Variants in USH2A observed in about 807,000 individuals in gnomAD.
USH2A encodes the protein Usher syndrome 2A (autosomal recessive, mild).
Under a neutral mutation model 538.9 loss-of-function variants are expected in USH2A, and 443 were observed. That is an observed-to-expected ratio of 0.82 (90% CI 0.76 to 0.89). The LOEUF is 0.89. Among genes scored for constraint, USH2A ranks in the 40% least tolerant of loss-of-function variants. The pLI is 0.00. For missense variants in USH2A, 6,633 were observed against 6,324.8 expected, an observed-to-expected ratio of 1.05 and a Z score of -1.65; for synonymous variants, 2,413 against 2,273.5, an observed-to-expected ratio of 1.06 and a Z score of -1.75.
chr1:216,255,566 T>C (rs1173867030), intron 11 of USH2A, among the ~76,000 whole-genome samples: 1 of 152,196 alleles, frequency 6.6e-6, no homozygotes, highest in Non-Finnish European at 1.5e-5. Flanking sequence ...ATTTCTAATT[T>C]AATTTAACTG....
chr1:216,273,820 A>T (rs2036619362), intron 11 of USH2A, among the ~76,000 whole-genome samples: 1 of 151,756 alleles, frequency 6.6e-6, no homozygotes, highest in Admixed American at 6.6e-5. Flanking sequence ...CCAGAAAAAA[A>T]AAAAAAAACA....
chr1:216,383,327 T>C (rs373229457), intron 3 of USH2A, among the ~76,000 whole-genome samples: 1 of 152,304 alleles, frequency 6.6e-6, no homozygotes, highest in Non-Finnish European at 1.5e-5. Context: ...CTTTTCAGAA[T>C]AGAAATACTC....
chr1:216,252,419 A>G (rs1280240539), intron 11 of USH2A, among the ~76,000 whole-genome samples: 1 of 152,184 alleles, frequency 6.6e-6, no homozygotes. Context: ...ATGTGGAAAG[A>G]TATTATTTGA....
chr1:215,938,236 C>G (rs1666555611), intron 37 of USH2A, among the ~76,000 whole-genome samples: 1 of 152,100 alleles, frequency 6.6e-6, no homozygotes, highest in South Asian at 2.1e-4. Context: ...TACAAACATA[C>G]AGTTCAATTC....
Position 215,648,698 on chromosome 1 carries a change from T to C in USH2A, c.14412A>G (p.Gly4804=). ...AGTTGAAGCAGGTGCAGGCCTCTAC[T>C]CCAATAGAGTAGTTAGTGAAGGCTT... is the stretch of plus-strand genomic sequence containing the variant. ...GLQAFTNYSI[G]VEACTCFNCC... is the part of the protein sequence containing the mutation. Residue 4804 remains glycine, a synonymous_variant, in exon 66 of 72, where the codon GGA becomes GGG. Coordinates refer to ENST00000307340, the MANE Select transcript of USH2A (RefSeq NM_206933.4). 6.2e-7 allele frequency: 1 copy of C among 1,614,144 alleles called. No homozygotes were observed. Among genetic ancestry groups the C allele is most frequent in the Non-Finnish European group, 8.5e-7 (1 of 1,180,026 alleles).
At chr1:215,887,989 C>T (rs534182991) in intron 41 of USH2A, among the ~76,000 whole-genome samples, 4 of 152,148 alleles carry the variant, frequency 2.6e-5, no homozygotes, top group Non-Finnish European at 5.9e-5. Context: ...TCTGGATAGC[C>T]CGTTAATATG....
At chr1:216,023,896 T>C (rs965581743) in intron 32 of USH2A, among the ~76,000 whole-genome samples, 5 of 151,990 alleles carry the variant, frequency 3.3e-5, no homozygotes, top group Non-Finnish European at 2.9e-5. Flanking sequence ...TTAAAACTAG[T>C]AGAGTACAAA....
chr1:215,919,058 A>G (rs144027478), intron 38 of USH2A, among the ~76,000 whole-genome samples: 181 of 152,192 alleles, frequency 1.2e-3, no homozygotes, highest in African/African-American at 4.1e-3. Context: ...AAATATGGTA[A>G]TCAATACATA....
intron 13 of USH2A, among the ~76,000 whole-genome samples, chr1:216,238,328 G>A (rs531789873): frequency 4.1e-4 from 63 of 152,160 alleles, no homozygotes; most frequent in African/African-American, 1.5e-3. Flanking sequence ...CACTGGCTCG[G>A]GATGCGTTGA....
intron 60 of USH2A, among the ~76,000 whole-genome samples, chr1:215,735,706 T>C (rs1180271517): frequency 2.0e-5 from 3 of 152,006 alleles, no homozygotes; most frequent in African/African-American, 7.2e-5. Flanking sequence ...TATATACATA[T>C]ATATGTAAAA....
At chr1:216,417,949 T>A (rs1247131086) in intron 3 of USH2A, among the ~76,000 whole-genome samples, 1 of 152,046 alleles carries the variant, frequency 6.6e-6, no homozygotes, top group Non-Finnish European at 1.5e-5. Context: ...ATACCAGACA[T>A]GTCACAGCTC....
intron 47 of USH2A, among the ~76,000 whole-genome samples, chr1:215,829,944 T>A (rs556889827): frequency 7.9e-5 from 12 of 152,282 alleles, no homozygotes; most frequent in African/African-American, 2.6e-4. Flanking sequence ...CAGGCCAATA[T>A]GGAATAAGCC....
intron 35 of USH2A, among the ~76,000 whole-genome samples, chr1:215,982,000 G>A (rs562262312): frequency 7.2e-5 from 11 of 152,280 alleles, no homozygotes; most frequent in East Asian, 1.9e-4. Context: ...ATACATTTAC[G>A]TAAGTAATCA....
At chr1:216,365,199 G>T (rs1052477564) in intron 3 of USH2A, 114 bp from the exon 4 acceptor site, 22 of 1,246,238 alleles carry the variant, frequency 1.8e-5, no homozygotes, top group Non-Finnish European at 2.4e-5. Context: ...TTGTTCAGCT[G>T]GGAAGACTGA....
At chr1:215,700,304 G>A (rs536513361) in intron 61 of USH2A, among the ~76,000 whole-genome samples, 2 of 152,228 alleles carry the variant, frequency 1.3e-5, no homozygotes, top group South Asian at 4.1e-4. Flanking sequence ...TTTGGTATCA[G>A]GATGATGCTG....
At chr1:216,261,048 C>A (rs1242344748) in intron 11 of USH2A, among the ~76,000 whole-genome samples, 1 of 151,964 alleles carries the variant, frequency 6.6e-6, no homozygotes, top group Non-Finnish European at 1.5e-5. Context: ...CATTTCTCTA[C>A]AGAATAAAGC....
intron 64 of USH2A, among the ~76,000 whole-genome samples, chr1:215,665,866 T>A (rs1204479698): frequency 6.6e-6 from 1 of 152,230 alleles, no homozygotes; most frequent in Non-Finnish European, 1.5e-5. Flanking sequence ...TGGAAGAATT[T>A]TATTTAGTAC....
At chr1:215,702,837 G>A (rs550150658) in intron 61 of USH2A, among the ~76,000 whole-genome samples, 59 of 151,810 alleles carry the variant, frequency 3.9e-4, no homozygotes, top group African/African-American at 1.2e-3. Context: ...GTCATTCTCC[G>A]TCCAGTTTTG....
intron 21 of USH2A, among the ~76,000 whole-genome samples, chr1:216,148,149 C>G (rs1366930100): frequency 6.6e-6 from 1 of 151,990 alleles, no homozygotes; most frequent in Non-Finnish European, 1.5e-5. Flanking sequence ...ACATTACCCT[C>G]TTTTCAAGGG....
Sources: allele counts gnomAD v4.1 joint callset (sites outside exome capture counted in the v4.1 genomes callset), GRCh38; gene constraint gnomAD v4.1.1; transcripts MANE v1.5; gene names NCBI Gene and HGNC (gene_info 2026-07-23, HGNC 2026-07-21).